Variants in DOCK9 observed in about 807,000 individuals in gnomAD.
The protein encoded by DOCK9 is dedicator of cytokinesis protein 9.
In DOCK9, 89 loss-of-function variants were observed where a neutral mutation model predicts 263.3. That is an observed-to-expected ratio of 0.34 (90% confidence interval 0.28 to 0.40). DOCK9 has a LOEUF of 0.40. Ranked by LOEUF, DOCK9 falls within the 10% of genes least tolerant of loss-of-function variation. DOCK9 has a pLI of 1.00. For synonymous variants in DOCK9, 976 were observed against 973.1 expected, an observed-to-expected ratio of 1.00 and a Z score of -0.06; for missense variants, 2,140 against 2,603.4, an observed-to-expected ratio of 0.82 and a Z score of 3.87.
Position 98,930,150 on chromosome 13 carries a change from T to C in DOCK9, c.333+18A>G, listed in dbSNP as rs1469990294. On this transcript the variant is annotated intron_variant, in intron 3 of 52. Coordinates refer to ENST00000682017, the MANE Select transcript of DOCK9 (RefSeq NM_001366683.2). Reference sequence around the variant, plus strand: ...AAAATGACTTCAAAATGTAAATTAATGCAGGAAAGAGCCTTACCTCTGTAA... The same window carrying C: ...AAAATGACTTCAAAATGTAAATTAACGCAGGAAAGAGCCTTACCTCTGTAA... The C allele has an allele frequency of 6.3e-7, 1 of 1,597,348 alleles. No homozygotes were observed. The highest frequency in any genetic ancestry group is 8.5e-7 in the Non-Finnish European group (1 of 1,170,890).
At position 98,800,366 on chromosome 13, in the gene DOCK9, C is replaced by A; in HGVS notation, c.5838G>T (p.Glu1946Asp). The A allele has an allele frequency of 6.2e-7, 1 of 1,613,806 alleles. No homozygotes were observed. The highest frequency in any genetic ancestry group is 8.5e-7 in the Non-Finnish European group (1 of 1,179,834). The change falls in exon 50 of 53, where the codon GAG becomes GAT. Residue 1946 changes from glutamate (E) to aspartate (D), a missense_variant. Physicochemically the swap from Glu to Asp is conservative, Grantham distance 45. This residue lies in a region of DOCK9 where 619 missense variants were observed against 861.8 expected (regional missense o/e 0.72). Transcript: ENST00000682017. The stretch of plus-strand genomic sequence containing the variant: ...CGGCCGAGGAGCACAGCTGCCGGAG[C>A]TCCGCCACCTTCTTACTCATCTCGT... ...AIDEMSKKVA[E>D]LRQLCSSAEV...
Position 98,955,480 on chromosome 13 carries a change from G to C in DOCK9, c.198C>G (p.Asn66Lys), listed in dbSNP as rs771773842. The change falls in exon 2 of 53, where the codon AAC (asparagine) becomes AAG (lysine). Residue 66 changes from asparagine to lysine, a missense_variant. Asn to Lys is a moderately conservative substitution (Grantham distance 94, BLOSUM62 0). Transcript: ENST00000682017. ...AGAGCAGCATCTCCCGTAAACAGTCGTTCAGGATCTGAGTCTTCTTCTGGA... is the reference window on the plus strand; with the variant it reads ...AGAGCAGCATCTCCCGTAAACAGTCCTTCAGGATCTGAGTCTTCTTCTGGA... ...VIVQKKTQIL[N>K]DCLREMLLFP... 3.8e-6 allele frequency: 6 copies of C among 1,598,562 alleles called. No individual in the cohort carries two copies. Among genetic ancestry groups the C allele is most frequent in the Admixed American group, 1.7e-5 (1 of 58,292 alleles).
chr13:98,843,086 TGA>T (rs1445934940), intron 38 of DOCK9, among the ~76,000 whole-genome samples: 4 of 152,228 alleles, frequency 2.6e-5, no homozygotes, highest in Admixed American at 2.0e-4. Context: ...CTGGTCAAGC[TGA>T]GTTCTGACAA....
rs578007860 is a variant in DOCK9, at chr13:98,879,808, C to G, written c.2943+90G>C. On this transcript the variant is annotated intron_variant, in intron 27 of 52. Transcript: ENST00000682017. The stretch of plus-strand genomic sequence containing the variant: ...ACTTAGAACAGTCCTGTAACTGGCA[C>G]AGAGAAAGCATGAAGAAACGTTCAC... The G allele has an allele frequency of 3.3e-5, 36 of 1,100,714 alleles. No individual in the cohort carries two copies. In the South Asian group the frequency reaches 4.2e-4, roughly 13 times the overall value. The allele number at this position is 1,100,714 out of a possible 1,614,324, so 68.2% of individuals were successfully genotyped here.
chr13:98,919,498 G>C (rs1171242480), intron 7 of DOCK9, among the ~76,000 whole-genome samples: 1 of 152,206 alleles, frequency 6.6e-6, no homozygotes, highest in Non-Finnish European at 1.5e-5. Context: ...TCAAACCAGA[G>C]AGCTGTGTCA....
At chr13:99,083,106 T>A (rs1217881924) in intron 1 of DOCK9, among the ~76,000 whole-genome samples, 1 of 151,810 alleles carries the variant, frequency 6.6e-6, no homozygotes, top group Non-Finnish European at 1.5e-5. Context: ...AACACAAAAA[T>A]CAGCTGGGCA....
In DOCK9 at chr13:98,804,829, C is replaced by A. The variant is rs2090504621; in HGVS notation, c.5725+170G>T. On this transcript the variant is annotated intron_variant, in intron 49 of 52. Coordinates refer to ENST00000682017, the MANE Select transcript of DOCK9 (RefSeq NM_001366683.2). ...AAGTGTCAACAGATCAACAGAAAAA[C>A]ATCCCAAGTATTCAAAAGGAAGCAC... Among the ~76,000 whole-genome samples the A allele has an allele frequency of 2.6e-5, 4 of 152,298 alleles. No individual in the cohort carries two copies. The South Asian group carries it at 8.3e-4, about 32-fold the overall frequency.
intron 30 of DOCK9, among the ~76,000 whole-genome samples, chr13:98,866,438 T>A (rs1037060684): frequency 8.5e-5 from 13 of 152,168 alleles, no homozygotes; most frequent in Non-Finnish European, 1.9e-4. Context: ...TTAGTGTGTT[T>A]CTCTCGGAAT....
chr13:98,910,901 AACCATGGAATCCATCCTTCCTAATG>A (rs2049904408), intron 9 of DOCK9, among the ~76,000 whole-genome samples: 1 of 105,934 alleles, frequency 9.4e-6, no homozygotes, highest in Non-Finnish European at 2.4e-5. Context: ...CTGATTCTGT[AACCATGGAATCCATCCTTCCTAATG>A]GGATGACCAA....
At chr13:98,860,691 TG>T (rs1242075725) in intron 32 of DOCK9, among the ~76,000 whole-genome samples, 169 bp from the exon 33 acceptor site, 1 of 42,562 alleles carries the variant, frequency 2.3e-5, no homozygotes, top group Non-Finnish European at 4.5e-5. Context: ...GAGGGTGGGA[TG>T]GGTCAGAGGG....
chr13:98,999,316 A>ACACT, intron 1 of DOCK9, among the ~76,000 whole-genome samples: 17 of 138,288 alleles, frequency 1.2e-4, no homozygotes, highest in African/African-American at 8.5e-5. Flanking sequence ...ACACACACAC[A>ACACT]CTCTCTCTCT....
rs765986678 is a variant in DOCK9 at position 98,881,965 on chromosome 13, G to T, written c.2602C>A (p.Pro868Thr). Residue 868 changes from proline to threonine, a missense_variant, in exon 24 of 53, where the codon CCC becomes ACC. Physicochemically the swap from Pro to Thr is conservative, Grantham distance 38. Coordinates refer to ENST00000682017, the MANE Select transcript of DOCK9 (RefSeq NM_001366683.2). ...MEGHVMIAFL[P>T]TILNQLFRVL... ...CGGAACAGCTGGTTTAGGATAGTGG[G>T]CAAGAAGGCGATCATCACGTGGCCT... is the stretch of plus-strand genomic sequence containing the variant. 8.7e-6 allele frequency: 14 copies of T among 1,600,540 alleles called. No homozygotes were observed. In the South Asian group the frequency reaches 1.5e-4, roughly 17 times the overall value.
chr13:98,973,175 AG>A (rs1269998790), intron 1 of DOCK9, among the ~76,000 whole-genome samples: 39 of 152,224 alleles, frequency 2.6e-4, no homozygotes, highest in African/African-American at 8.4e-4. Flanking sequence ...GTTGTCTCTA[AG>A]GGTGCAGGAA....
chr13:98,960,792 A>C (rs2058547736), intron 1 of DOCK9, among the ~76,000 whole-genome samples: 1 of 152,180 alleles, frequency 6.6e-6, no homozygotes, highest in South Asian at 2.1e-4. Context: ...CATGCTCTCC[A>C]GGGGATTCTG....
chr13:98,926,304 C>T (rs531088074), intron 3 of DOCK9, among the ~76,000 whole-genome samples: 3 of 152,174 alleles, frequency 2.0e-5, no homozygotes, highest in African/African-American at 7.2e-5. Flanking sequence ...AACTTAAAGA[C>T]GCCTTCATGG....
chr13:98,845,319 TA>T, intron 38 of DOCK9: 1 of 1,360,356 alleles, frequency 7.4e-7, no homozygotes, highest in South Asian at 1.2e-5. Flanking sequence ...TCAACCTGAT[TA>T]AATCTTACCA....
intron 1 of DOCK9, among the ~76,000 whole-genome samples, chr13:99,063,420 CA>C (rs2041282475): frequency 6.6e-6 from 1 of 152,232 alleles, no homozygotes; most frequent in Non-Finnish European, 1.5e-5. Context: ...TGTGGGTACC[CA>C]GGTGTCCAAA....
intron 49 of DOCK9, among the ~76,000 whole-genome samples, chr13:98,803,337 C>T (rs563359498): frequency 1.7e-4 from 26 of 152,294 alleles, no homozygotes; most frequent in African/African-American, 4.8e-4. Context: ...TTTATGAATC[C>T]GTACACTGCC....
intron 18 of DOCK9, among the ~76,000 whole-genome samples, chr13:98,887,734 TA>T (rs775095970): frequency 1.6e-4 from 24 of 147,236 alleles, no homozygotes; most frequent in Non-Finnish European, 2.1e-4. Flanking sequence ...CAGCTTTCAA[TA>T]AAAGTTACCT....
Sources: allele counts gnomAD v4.1 joint callset (sites outside exome capture counted in the v4.1 genomes callset), GRCh38; gene constraint gnomAD v4.1.1; regional missense constraint gnomAD v4.1.1; transcripts MANE v1.5; gene names NCBI Gene and HGNC (gene_info 2026-07-23, HGNC 2026-07-21).